CTNNA2: variants seen among roughly 807,000 people sequenced by gnomAD.
CTNNA2 encodes the protein catenin alpha-2.
CTNNA2 carries 42 observed loss-of-function variants against 101.0 expected under a neutral mutation model. The ratio of observed to expected loss-of-function variants is 0.42; its 90% CI spans 0.32 to 0.54. CTNNA2 has a LOEUF of 0.54. Ranked by LOEUF, CTNNA2 falls within the 20% of genes least tolerant of loss-of-function variation. The pLI is 0.14. For synonymous variants in CTNNA2, 450 were observed against 456.4 expected (o/e 0.99, Z 0.18); for missense variants, 871 against 1,223.1 (o/e 0.71, Z 4.29).
chr2:79,275,622 A>G (rs1355972968), intron 2 of CTNNA2, among the ~76,000 whole-genome samples: 1 of 151,808 alleles, frequency 6.6e-6, no homozygotes, highest in African/African-American at 2.4e-5. Context: ...TTATTTTAAT[A>G]TTATGATGTT....
chr2:80,590,649 C>T (rs1696405051), intron 15 of CTNNA2, among the ~76,000 whole-genome samples: 1 of 152,044 alleles, frequency 6.6e-6, no homozygotes, highest in African/African-American at 2.4e-5. Context: ...ACCCCCTTTG[C>T]CTCTGGCCAA....
intron 2 of CTNNA2, among the ~76,000 whole-genome samples, chr2:79,227,364 T>C (rs775537608): frequency 2.0e-4 from 30 of 152,358 alleles, no homozygotes; most frequent in Non-Finnish European, 3.8e-4. Flanking sequence ...GCAAGCCTTC[T>C]AATTTTTGGA....
chr2:80,486,552 A>G (rs982919530), intron 9 of CTNNA2, among the ~76,000 whole-genome samples: 1 of 152,230 alleles, frequency 6.6e-6, no homozygotes, highest in African/African-American at 2.4e-5. Context: ...CATCTCCAAT[A>G]CTGATGTAAC....
intron 3 of CTNNA2, among the ~76,000 whole-genome samples, chr2:79,835,203 T>G (rs1232844894): frequency 2.0e-5 from 3 of 152,180 alleles, no homozygotes; most frequent in African/African-American, 7.2e-5. Flanking sequence ...CTTTTTAGTA[T>G]TCGCCTTAAA....
rs1292441654 is a variant in CTNNA2, at chr2:80,075,674, ATAT to A, written c.1056+165881_1056+165883del. Reference sequence around the variant, plus strand: ...AAAAATAATATTTATACATGTATAAATATTATAAAAATAATATTTATACTTGTA... The same window carrying A: ...AAAAATAATATTTATACATGTATAAATATAAAAATAATATTTATACTTGTA... On this transcript the variant is annotated intron_variant, in intron 7 of 18. Transcript: ENST00000402739. 6.9e-5 allele frequency among the ~76,000 whole-genome samples: 6 copies of A among 87,296 alleles called. 1 individual carries two copies. In the South Asian group the frequency reaches 1.5e-3, roughly 22 times the overall value. 57.3% of individuals were successfully genotyped at this position (87,296 alleles called of 152,430 possible).
At chr2:79,794,010 A>G (rs1282573997) in intron 3 of CTNNA2, among the ~76,000 whole-genome samples, 1 of 151,990 alleles carries the variant, frequency 6.6e-6, no homozygotes, top group Non-Finnish European at 1.5e-5. Flanking sequence ...GTGAGGGATA[A>G]AAGACTACAA....
intron 9 of CTNNA2, among the ~76,000 whole-genome samples, chr2:80,533,335 A>T (rs1344572237): frequency 6.6e-6 from 1 of 152,128 alleles, no homozygotes; most frequent in African/African-American, 2.4e-5. Context: ...CCCCTCCGCA[A>T]AAAAAAGAAG....
intron 3 of CTNNA2, among the ~76,000 whole-genome samples, chr2:79,763,676 G>T (rs910447747): frequency 1.3e-5 from 2 of 152,078 alleles, no homozygotes; most frequent in Non-Finnish European, 2.9e-5. Flanking sequence ...TCATCCATCT[G>T]CTTTGTAATA....
chr2:79,290,524 A>G (rs56044365), intron 2 of CTNNA2, among the ~76,000 whole-genome samples: 232 of 152,194 alleles, frequency 1.5e-3, no homozygotes, highest in African/African-American at 4.8e-3. Flanking sequence ...GTGTGCCTAT[A>G]AAAACCCCAA....
chr2:80,302,719 G>A lies in CTNNA2; in HGVS notation c.1057-90492G>A, dbSNP rs1437847971. 1.2e-6 allele frequency: 2 copies of A among 1,612,888 alleles called. No homozygotes were observed. Among genetic ancestry groups the A allele is most frequent in the Non-Finnish European group, 1.7e-6 (2 of 1,179,826 alleles). ...AGAGCAGGTGGCCGCTGGTGGGCTC[G>A]GCCCCATCCTCGCACAGGTGGAAGG... On this transcript the variant is annotated intron_variant, in intron 7 of 18. Coordinates refer to ENST00000402739, the MANE Select transcript of CTNNA2 (RefSeq NM_001282597.3). This position sits in a 1 kb window ranked among gnomAD's most constrained non-coding sequence, Gnocchi z 6.4.
intron 4 of CTNNA2, among the ~76,000 whole-genome samples, chr2:79,430,570 A>G (rs1402268288): frequency 6.6e-6 from 1 of 152,186 alleles, no homozygotes; most frequent in African/African-American, 2.4e-5. Context: ...TTTGTGTTAT[A>G]CTGAGTGCCA....
chr2:79,370,626 A>C (rs1241057454), intron 3 of CTNNA2, among the ~76,000 whole-genome samples: 1 of 152,076 alleles, frequency 6.6e-6, no homozygotes, highest in Non-Finnish European at 1.5e-5. Flanking sequence ...CAATGATCTT[A>C]ACTTTTTTTT....
intron 7 of CTNNA2, among the ~76,000 whole-genome samples, chr2:80,131,233 A>G (rs1702398426): frequency 6.6e-6 from 1 of 152,036 alleles, no homozygotes; most frequent in South Asian, 2.1e-4. Context: ...TAATTTTTGT[A>G]TATTTAGTAG....
At chr2:80,552,508 A>C (rs570023594) in intron 11 of CTNNA2, among the ~76,000 whole-genome samples, 1 of 152,322 alleles carries the variant, frequency 6.6e-6, no homozygotes, top group African/African-American at 2.4e-5. Context: ...TTTTCATAAA[A>C]AGGGACCTGA....
At chr2:79,820,907 C>T (rs116228701) in intron 3 of CTNNA2, among the ~76,000 whole-genome samples, 2,661 of 152,208 alleles carry the variant, frequency 0.017, 75 homozygotes, top group African/African-American at 0.06. Flanking sequence ...AAATGCAATT[C>T]TGTAGAAAAT....
At chr2:80,355,589 C>T (rs753869267) in intron 7 of CTNNA2, among the ~76,000 whole-genome samples, 4 of 152,170 alleles carry the variant, frequency 2.6e-5, no homozygotes, top group South Asian at 2.1e-4. Flanking sequence ...TTTGGCTACA[C>T]GCTGCCAGAC....
At position 79,523,184 on chromosome 2, in the gene CTNNA2, T is replaced by C. The variant is rs780686450; in HGVS notation, c.-6+9977T>C. The C allele has an allele frequency of 3.2e-4, 127 of 396,218 alleles. 3 individuals are homozygous for C. The Middle Eastern group carries it at 0.013, about 40-fold the overall frequency. The allele number at this position is 396,218 out of a possible 1,614,324, so 24.5% of individuals were successfully genotyped here. The stretch of plus-strand genomic sequence containing the variant: ...ATTGCATTTTTTTGGAATTTAAGTA[T>C]TCAATTTTTGGCTGTCTACAGAGAT... On this transcript the variant is annotated intron_variant, in intron 1 of 18. Transcript: ENST00000402739.
At chr2:79,602,398 C>G (rs557017069) in intron 1 of CTNNA2, among the ~76,000 whole-genome samples, 1 of 151,942 alleles carries the variant, frequency 6.6e-6, no homozygotes, top group South Asian at 2.1e-4. Flanking sequence ...ATTGACTAAA[C>G]ATTTACAGCA....
intron 7 of CTNNA2, among the ~76,000 whole-genome samples, chr2:80,153,296 C>T (rs1486725934): frequency 6.6e-6 from 1 of 152,134 alleles, no homozygotes; most frequent in Non-Finnish European, 1.5e-5. Context: ...TGGTCTTGCC[C>T]TTTCTCAGTA....
Sources: allele counts gnomAD v4.1 joint callset (sites outside exome capture counted in the v4.1 genomes callset), GRCh38; gene constraint gnomAD v4.1.1; non-coding constraint Gnocchi (gnomAD v3.1); transcripts MANE v1.5; gene names NCBI Gene and HGNC (gene_info 2026-07-23, HGNC 2026-07-21).